Variants in KIAA1549L observed in about 807,000 individuals in gnomAD.
KIAA1549L encodes the protein UPF0606 protein KIAA1549L.
Under a neutral mutation model 160.7 loss-of-function variants are expected in KIAA1549L, and 88 were observed. The ratio of observed to expected loss-of-function variants is 0.55; its 90% CI spans 0.46 to 0.65. The LOEUF is 0.65. Ranked by LOEUF, KIAA1549L falls within the 30% of genes least tolerant of loss-of-function variation. The pLI is 0.00. For synonymous variants in KIAA1549L, 950 were observed against 976.7 expected (o/e 0.97, Z 0.51); for missense variants, 2,258 against 2,437.5 (o/e 0.93, Z 1.55).
At chr11:33,557,133 A>G (rs1269207160) in intron 6 of KIAA1549L, among the ~76,000 whole-genome samples, 1 of 152,088 alleles carries the variant, frequency 6.6e-6, no homozygotes, top group Admixed American at 6.5e-5. Flanking sequence ...GACTAAAGGC[A>G]TGCAACATCA....
At chr11:33,383,699 A>C (rs1430383586) in intron 1 of KIAA1549L, among the ~76,000 whole-genome samples, 1 of 152,062 alleles carries the variant, frequency 6.6e-6, no homozygotes, top group African/African-American at 2.4e-5. Flanking sequence ...GCAGGTGGGT[A>C]AAGTACTTCC....
intron 1 of KIAA1549L, among the ~76,000 whole-genome samples, chr11:33,540,061 GT>G (rs1380577539): frequency 6.6e-6 from 1 of 152,180 alleles, no homozygotes; most frequent in African/African-American, 2.4e-5. Context: ...TCAGCATGGA[GT>G]TTTCCATCAG....
intron 17 of KIAA1549L, among the ~76,000 whole-genome samples, chr11:33,648,667 C>T (rs1420211843): frequency 6.6e-6 from 1 of 151,544 alleles, no homozygotes; most frequent in Non-Finnish European, 1.5e-5. Flanking sequence ...TCAGGAGACT[C>T]TTGATCATAT....
At chr11:33,534,570 A>ATT (rs57608051) in intron 1 of KIAA1549L, among the ~76,000 whole-genome samples, 4 of 151,774 alleles carry the variant, frequency 2.6e-5, no homozygotes, top group East Asian at 1.9e-4. Context: ...ATGGCTTAGT[A>ATT]TTTTTTTTCT....
chr11:33,651,929 CCCTT>C (rs1564942320), intron 17 of KIAA1549L, among the ~76,000 whole-genome samples: 4 of 114,366 alleles, frequency 3.5e-5, no homozygotes, highest in South Asian at 3.8e-4. Flanking sequence ...CTCCCTCCCT[CCCTT>C]CCTTCCTTCG....
chr11:33,491,437 C>T (rs1308219277), intron 1 of KIAA1549L, among the ~76,000 whole-genome samples: 1 of 152,122 alleles, frequency 6.6e-6, no homozygotes, highest in Non-Finnish European at 1.5e-5. Context: ...CTTATGTACA[C>T]AATCCATAGT....
At chr11:33,567,318 GTGA>G (rs1210320962) in intron 8 of KIAA1549L, among the ~76,000 whole-genome samples, 1 of 152,228 alleles carries the variant, frequency 6.6e-6, no homozygotes, top group Admixed American at 6.5e-5. Flanking sequence ...TATGTTGGCT[GTGA>G]TGTACACTTT....
intron 1 of KIAA1549L, among the ~76,000 whole-genome samples, chr11:33,459,162 T>C (rs550548301): frequency 6.6e-6 from 1 of 152,206 alleles, no homozygotes; most frequent in Non-Finnish European, 1.5e-5. Flanking sequence ...GCAGCTTGAA[T>C]TGATAATCGT....
chr11:33,631,322 C>G (rs566447432), intron 16 of KIAA1549L, among the ~76,000 whole-genome samples: 53 of 152,204 alleles, frequency 3.5e-4, no homozygotes, highest in African/African-American at 1.2e-3. Flanking sequence ...GCCTGAACAC[C>G]TTCCCCAAAC....
intron 20 of KIAA1549L, among the ~76,000 whole-genome samples, chr11:33,661,900 AAAAAAAG>A (rs1210092226): frequency 0.16 from 19,610 of 125,046 alleles, 1,830 homozygotes; most frequent in South Asian, 0.24. Flanking sequence ...AAAAAAAAAA[AAAAAAAG>A]AAACCCAAGA....
chr11:33,387,943 G>A (rs904299061), intron 1 of KIAA1549L, among the ~76,000 whole-genome samples: 1 of 152,182 alleles, frequency 6.6e-6, no homozygotes, highest in Non-Finnish European at 1.5e-5. Context: ...TTTTCCCACA[G>A]TTTGCTGTCA....
chr11:33,672,632 C>A lies in KIAA1549L; in HGVS notation c.*4478C>A, dbSNP rs1370321195. The A allele has an allele frequency of 1.3e-5, 2 of 153,990 alleles. No homozygotes were observed. The highest frequency in any genetic ancestry group is 6.5e-5 in the Admixed American group (1 of 15,280). The allele number at this position is 153,990 out of a possible 1,614,324, so 9.5% of individuals were successfully genotyped here. ...CAGCAGCCAGCACTCGGAGAGCAGT[C>A]CCCTGGATACTACCACACAGAGAAA... On this transcript the variant is annotated 3_prime_UTR_variant, in exon 21 of 21. Transcript: ENST00000658780.
chr11:33,581,437 G>A (rs1382622744), intron 10 of KIAA1549L, among the ~76,000 whole-genome samples: 2 of 146,492 alleles, frequency 1.4e-5, no homozygotes, highest in African/African-American at 2.7e-5. Context: ...GTGTGTTTAC[G>A]CTTGCACATA....
rs544575990 is a variant in KIAA1549L at position 33,417,068 on chromosome 11, A to G, written c.238+40179A>G. 2.0e-5 allele frequency among the ~76,000 whole-genome samples: 3 copies of G among 152,346 alleles called. No individual in the cohort carries two copies. The East Asian group carries it at 5.8e-4, about 29-fold the overall frequency. On this transcript the variant is annotated intron_variant, in intron 1 of 20. Transcript: ENST00000658780. Reference sequence around the variant, plus strand: ...TGTGTTGTCCAATACAGAAGCCACCAGCCACATGTGGCTATTCAGCTCTTG... The same window carrying G: ...TGTGTTGTCCAATACAGAAGCCACCGGCCACATGTGGCTATTCAGCTCTTG...
At chr11:33,641,190 T>G (rs1324017595) in intron 16 of KIAA1549L, among the ~76,000 whole-genome samples, 1 of 152,164 alleles carries the variant, frequency 6.6e-6, no homozygotes, top group African/African-American at 2.4e-5. Flanking sequence ...CCACAGGTCC[T>G]CGAGTCAATT....
chr11:33,476,382 AC>A (rs574110465), intron 1 of KIAA1549L, among the ~76,000 whole-genome samples: 154 of 152,352 alleles, frequency 1.0e-3, no homozygotes, highest in Middle Eastern at 3.4e-3. Flanking sequence ...CTTATAAGCC[AC>A]GGGTCAAATT....
intron 7 of KIAA1549L, among the ~76,000 whole-genome samples, chr11:33,560,690 C>A (rs564747059): frequency 2.6e-5 from 4 of 152,208 alleles, no homozygotes; most frequent in African/African-American, 9.6e-5. Context: ...AACATTCTTA[C>A]ATTTCACAAG....
chr11:33,537,482 T>A (rs1411579082), intron 1 of KIAA1549L, among the ~76,000 whole-genome samples: 2 of 152,180 alleles, frequency 1.3e-5, no homozygotes, highest in African/African-American at 4.8e-5. Context: ...AAAGGTGAGA[T>A]GAGATGAGTG....
rs1564924787 is a variant in KIAA1549L at position 33,614,557 on chromosome 11, TATATATATATATATATATATATATATA to T, written c.5280-3975_5280-3949del. On this transcript the variant is annotated intron_variant, in intron 15 of 20. Transcript: ENST00000658780. ...ATATATATATATATATATATATATA[TATATATATATATATATATATATATATA>T]TTTTTTTTTTTTTTTTTTTTTTTTT... Among the ~76,000 whole-genome samples, 62 of 15,314 alleles carry T rather than the reference TATATATATATATATATATATATATATA, an allele frequency of 4.0e-3. 1 individual carries two copies. Among genetic ancestry groups the T allele is most frequent in the African/African-American group, 6.7e-3 (16 of 2,394 alleles). 10.0% of individuals were successfully genotyped at this position (15,314 alleles called of 152,430 possible).
Sources: gnomAD v4.1 joint callset for allele counts (sites outside exome capture counted in the v4.1 genomes callset) on GRCh38, gnomAD v4.1.1 for gene constraint, MANE v1.5 for transcripts, NCBI Gene and HGNC (gene_info 2026-07-23, HGNC 2026-07-21) for gene names.